Variants in PRKG1 observed in about 807,000 individuals in gnomAD.
PRKG1 encodes cGMP-dependent protein kinase 1.
PRKG1 carries 35 observed loss-of-function variants against 88.1 expected under a neutral mutation model. That is an observed-to-expected ratio of 0.40 (90% CI 0.30 to 0.53). The LOEUF (loss-of-function observed/expected upper bound fraction) is 0.53. Ranked by LOEUF, PRKG1 falls within the 20% of genes least tolerant of loss-of-function variation. The pLI is 0.59. For missense variants in PRKG1, 540 were observed against 839.8 expected (o/e 0.64, Z 4.41); for synonymous variants, 303 against 292.5 (o/e 1.04, Z -0.37).
intron 2 of PRKG1, among the ~76,000 whole-genome samples, chr10:51,163,573 G>T (rs9415751): frequency 0.047 from 7,139 of 152,270 alleles, 562 homozygotes; most frequent in African/African-American, 0.16. Context: ...CACCATGTGC[G>T]AGCCGAAGCA....
intron 2 of PRKG1, among the ~76,000 whole-genome samples, chr10:51,407,566 G>A (rs1837956486): frequency 6.6e-6 from 1 of 152,186 alleles, no homozygotes; most frequent in Admixed American, 6.5e-5. Context: ...TCATCACGTG[G>A]TTGTGGATGG....
At chr10:52,274,178 A>G (rs1841807590) in intron 12 of PRKG1, among the ~76,000 whole-genome samples, 1 of 152,078 alleles carries the variant, frequency 6.6e-6, no homozygotes, top group Non-Finnish European at 1.5e-5. Context: ...TTTGGTTACG[A>G]GTAAGTTCTT....
chr10:51,981,261 C>T (rs3104566), intron 5 of PRKG1, among the ~76,000 whole-genome samples: 117,440 of 152,130 alleles, frequency 0.77, 45,474 homozygotes, highest in African/African-American at 0.8. Flanking sequence ...TGGCCAGATA[C>T]GAAGTGCTGG....
At chr10:51,317,306 A>G (rs914735150) in intron 2 of PRKG1, among the ~76,000 whole-genome samples, 10 of 152,220 alleles carry the variant, frequency 6.6e-5, no homozygotes, top group Non-Finnish European at 1.0e-4. Flanking sequence ...AAGTCAATCA[A>G]GAGTCACATG....
intron 3 of PRKG1, among the ~76,000 whole-genome samples, chr10:51,639,853 T>C (rs145243992): frequency 3.4e-4 from 52 of 152,302 alleles, no homozygotes; most frequent in African/African-American, 1.2e-3. Context: ...GATAAAGCTT[T>C]TGAATCTTTG....
intron 3 of PRKG1, among the ~76,000 whole-genome samples, chr10:51,732,919 G>A (rs532411765): frequency 1.3e-5 from 2 of 152,162 alleles, no homozygotes; most frequent in South Asian, 4.1e-4. Context: ...TAGTTCTGGA[G>A]GCTTCGATTC....
At chr10:51,702,845 C>G (rs1162418705) in intron 3 of PRKG1, among the ~76,000 whole-genome samples, 3 of 152,050 alleles carry the variant, frequency 2.0e-5, no homozygotes, top group African/African-American at 7.2e-5. Flanking sequence ...AGGCGTGTGC[C>G]ACTACTCATG....
At chr10:52,192,007 T>C (rs537173678) in intron 9 of PRKG1, among the ~76,000 whole-genome samples, 1 of 152,334 alleles carries the variant, frequency 6.6e-6, no homozygotes, top group Non-Finnish European at 1.5e-5. Flanking sequence ...TTCCTATTAA[T>C]TATCAATTTT....
At chr10:51,858,777 T>G (rs1156293721) in intron 4 of PRKG1, among the ~76,000 whole-genome samples, 3 of 151,970 alleles carry the variant, frequency 2.0e-5, no homozygotes, top group African/African-American at 7.3e-5. Context: ...AAGTTTTAAT[T>G]CAATAAAGGC....
chr10:51,606,799 G>A (rs925809210), intron 3 of PRKG1, among the ~76,000 whole-genome samples: 1 of 152,126 alleles, frequency 6.6e-6, no homozygotes, highest in Non-Finnish European at 1.5e-5. Flanking sequence ...GGAAACAATT[G>A]TTCCTGGAAT....
intron 9 of PRKG1, among the ~76,000 whole-genome samples, chr10:52,239,744 T>C (rs1047843736): frequency 6.6e-5 from 10 of 152,224 alleles, no homozygotes; most frequent in African/African-American, 2.2e-4. Context: ...ATGGCTAAAG[T>C]GAAATCTGAT....
At chr10:51,913,146 C>T (rs1407882197) in intron 5 of PRKG1, among the ~76,000 whole-genome samples, 3 of 152,162 alleles carry the variant, frequency 2.0e-5, no homozygotes, top group African/African-American at 7.2e-5. Context: ...CCAGGCTGGT[C>T]TTGAACGCCT....
Position 52,089,804 on chromosome 10 carries a change from C to CTTTTTTTTTTTTTTT in PRKG1, c.935+27183_935+27197dup, listed in dbSNP as rs397846439. On this transcript the variant is annotated intron_variant, in intron 7 of 17. Coordinates refer to ENST00000373980, the MANE Select transcript of PRKG1 (RefSeq NM_006258.4). The stretch of plus-strand genomic sequence containing the variant: ...GGCTTAGATTATTGTTTCTTTCCTT[C>CTTTTTTTTTTTTTTT]TTTTTTTTTTTTTTTTTTTTTTTTG... Among the ~76,000 whole-genome samples the CTTTTTTTTTTTTTTT allele has an allele frequency of 6.9e-3, 470 of 67,718 alleles. 69 individuals carry two copies. The highest frequency in any genetic ancestry group is 0.02 in the East Asian group (31 of 1,564). 44.4% of individuals were successfully genotyped at this position (67,718 alleles called of 152,430 possible). A position where few individuals can be genotyped will look rare whatever the true frequency, so the allele number is the denominator to read the frequency against.
intron 3 of PRKG1, among the ~76,000 whole-genome samples, chr10:51,579,939 C>T (rs1218975800): frequency 6.6e-6 from 1 of 152,032 alleles, no homozygotes; most frequent in Non-Finnish European, 1.5e-5. Context: ...TGGGATCTGG[C>T]AGTTACATTT....
At chr10:51,728,116 A>G (rs1030217295) in intron 3 of PRKG1, among the ~76,000 whole-genome samples, 1 of 152,202 alleles carries the variant, frequency 6.6e-6, no homozygotes, top group African/African-American at 2.4e-5. Context: ...TATATAATAT[A>G]GCACACTTCA....
intron 4 of PRKG1, among the ~76,000 whole-genome samples, chr10:51,816,275 T>A (rs1238492381): frequency 6.6e-6 from 1 of 152,136 alleles, no homozygotes; most frequent in East Asian, 1.9e-4. Context: ...GGCCTCCCCC[T>A]GAGCCTGGGT....
At chr10:51,056,458 G>A (rs1843627291) in intron 1 of PRKG1, among the ~76,000 whole-genome samples, 1 of 152,298 alleles carries the variant, frequency 6.6e-6, no homozygotes, top group Non-Finnish European at 1.5e-5. Context: ...AACAATTCAT[G>A]CCAATATTAA....
intron 5 of PRKG1, among the ~76,000 whole-genome samples, chr10:51,990,644 G>T (rs1223411521): frequency 6.6e-6 from 1 of 152,050 alleles, no homozygotes; most frequent in Non-Finnish European, 1.5e-5. Flanking sequence ...GAGGGTTGTT[G>T]TATAGATTAT....
chr10:51,598,093 C>A (rs574779451), intron 3 of PRKG1, among the ~76,000 whole-genome samples: 1 of 152,242 alleles, frequency 6.6e-6, no homozygotes, highest in East Asian at 1.9e-4. Context: ...TAGCATTGGT[C>A]ATCAATTGTC....
Sources: gnomAD v4.1 joint callset for allele counts (sites outside exome capture counted in the v4.1 genomes callset) on GRCh38, gnomAD v4.1.1 for gene constraint, MANE v1.5 for transcripts, NCBI Gene and HGNC (gene_info 2026-07-23, HGNC 2026-07-21) for gene names.